The following SLC6A9 variants were observed in gnomAD, a reference collection of about 807,000 sequenced individuals.
SLC6A9 encodes sodium- and chloride-dependent glycine transporter 1.
In SLC6A9, 31 loss-of-function variants were observed where a neutral mutation model predicts 70.9. That is an observed-to-expected ratio of 0.44 (90% CI 0.33 to 0.59). The LOEUF is 0.59. Among genes scored for constraint, SLC6A9 ranks in the 20% least tolerant of loss-of-function variants. The pLI is 0.04. For synonymous variants in SLC6A9, 310 were observed against 341.3 expected (o/e 0.91, Z 1.01); for missense variants, 631 against 845.2 (o/e 0.75, Z 3.14).
chr1:44,010,604 G>A (rs2086528113), intron 3 of SLC6A9, 122 bp downstream of exon 3: 1 of 968,980 alleles, frequency 1.0e-6, no homozygotes, highest in Non-Finnish European at 1.5e-6. Context: ...GGGGGCGAAG[G>A]AGGCCAGGGC....
intron 12 of SLC6A9, among the ~76,000 whole-genome samples, chr1:43,998,516 AG>A (rs1277332695): frequency 6.6e-6 from 1 of 152,152 alleles, no homozygotes; most frequent in Non-Finnish European, 1.5e-5. Flanking sequence ...ACCCTATGTC[AG>A]TGCCCTCTCC....
intron 2 of SLC6A9, chr1:44,017,213 TTCACC>T: frequency 6.5e-7 from 1 of 1,544,334 alleles, no homozygotes; most frequent in Non-Finnish European, 8.7e-7. Context: ...GTCAATTACT[TTCACC>T]TCATCTCCTC....
At position 44,002,875 on chromosome 1, in the gene SLC6A9, C is replaced by G. The variant is rs140444555; in HGVS notation, c.701G>C (p.Arg234Pro). The change falls in exon 6 of 14, where the codon CGA becomes CCA. Residue 234 changes from arginine to proline, a missense_variant. Transcript: ENST00000372310. This position sits in a 1 kb window ranked among gnomAD's most constrained non-coding sequence, Gnocchi z 5.5. The part of the protein sequence containing the change: ...SWLVVFLCLI[R>P]GVKSSGKVVY... ...TGCTTTCCCTGAAGACTTGACCCCT[C>G]GGATGAGGCAGAGGAAGACGACCAA... 1 of 1,614,106 alleles carries G rather than the reference C, an allele frequency of 6.2e-7. No individual in the cohort carries two copies. The highest frequency in any genetic ancestry group is 1.1e-5 in the South Asian group (1 of 91,082).
At chr1:44,020,967 T>C (rs2086870838) in intron 2 of SLC6A9, among the ~76,000 whole-genome samples, 1 of 152,048 alleles carries the variant, frequency 6.6e-6, no homozygotes, top group Non-Finnish European at 1.5e-5. Flanking sequence ...TGGGAAGAGG[T>C]CAACAAAGCT....
chr1:44,011,534 G>A, intron 2 of SLC6A9: 3 of 1,608,950 alleles, frequency 1.9e-6, no homozygotes, highest in Non-Finnish European at 2.6e-6. Flanking sequence ...ACTGCCCATG[G>A]CTGGGGAGGG....
chr1:44,028,483 C>T (rs961074061), intron 1 of SLC6A9, among the ~76,000 whole-genome samples: 1 of 152,046 alleles, frequency 6.6e-6, no homozygotes, highest in African/African-American at 2.4e-5. Context: ...AGGCTGGGCG[C>T]GGTGGCTCAC....
At position 44,002,978 on chromosome 1, in the gene SLC6A9, C is replaced by A. The variant is rs762687825; in HGVS notation, c.598G>T (p.Val200Leu). 2 of 1,614,106 alleles carry A rather than the reference C, an allele frequency of 1.2e-6. No individual in the cohort carries two copies. Among genetic ancestry groups the A allele is most frequent in the South Asian group, 1.1e-5 (1 of 91,082 alleles). Reference protein sequence around the residue: ...SPSEEYWRLYVLKLSDDIGNF... With the variant: ...SPSEEYWRLYLLKLSDDIGNF... Reference sequence around the variant, plus strand: ...CCAATGTCATCTGACAGCTTCAGCACGTACAGCCTGGGAAGGGGAGACTCT... The same window carrying A: ...CCAATGTCATCTGACAGCTTCAGCAAGTACAGCCTGGGAAGGGGAGACTCT... The change falls in exon 6 of 14, where the codon GTG becomes TTG. Residue 200 changes from valine (V) to leucine (L), a missense_variant. Val to Leu is a conservative substitution (Grantham distance 32, BLOSUM62 1). Transcript: ENST00000372310. This position sits in a 1 kb window ranked among gnomAD's most constrained non-coding sequence, Gnocchi z 5.5.
intron 2 of SLC6A9, chr1:44,015,770 G>A: frequency 2.6e-6 from 2 of 767,366 alleles, no homozygotes; most frequent in Non-Finnish European, 3.2e-6. Flanking sequence ...CTGAGTAGGG[G>A]CAGAGAGACC....
In SLC6A9 at chr1:43,997,463, CAG is replaced by C. The variant is rs1571831124; in HGVS notation, c.*80_*81del. ...TGGCCAGGGCGTGGCAGGGGGCAGGCAGAGACACCTGGCCTCTGCCTCACCAG... is the reference window on the plus strand; with the variant it reads ...TGGCCAGGGCGTGGCAGGGGGCAGGCAGACACCTGGCCTCTGCCTCACCAG... On this transcript the variant is annotated 3_prime_UTR_variant, in exon 14 of 14. Transcript: ENST00000372310. The surrounding 1 kb of genome is among the most constrained non-coding windows in gnomAD (Gnocchi z 4.4). 1 of 1,298,410 alleles carries C rather than the reference CAG, an allele frequency of 7.7e-7. No homozygotes were observed. The highest frequency in any genetic ancestry group is 2.3e-5 in the East Asian group (1 of 43,384). The allele number at this position is 1,298,410 out of a possible 1,614,324, so 80.4% of individuals were successfully genotyped here.
At chr1:44,020,971 C>A (rs192878059) in intron 2 of SLC6A9, among the ~76,000 whole-genome samples, 2 of 152,308 alleles carry the variant, frequency 1.3e-5, no homozygotes, top group African/African-American at 2.4e-5. Flanking sequence ...AAGAGGTCAA[C>A]AAAGCTCACC....
Position 44,009,343 on chromosome 1 carries a change from C to G in SLC6A9, c.319+622G>C, listed in dbSNP as rs566543455. Among the ~76,000 whole-genome samples, 528 of 152,142 alleles carry G rather than the reference C, an allele frequency of 3.5e-3. 6 individuals are homozygous for G. The highest frequency in any genetic ancestry group is 0.012 in the African/African-American group (485 of 41,486). ...CACGCCATTCTCCCGCCTCAGCCCCCAGAGTAGCTAGGACTGCAGGCACCT... is the reference window on the plus strand; with the variant it reads ...CACGCCATTCTCCCGCCTCAGCCCCGAGAGTAGCTAGGACTGCAGGCACCT... On this transcript the variant is annotated intron_variant, in intron 4 of 13. Transcript: ENST00000372310.
At chr1:44,012,665 C>T (rs2086613295) in intron 2 of SLC6A9, among the ~76,000 whole-genome samples, 1 of 152,236 alleles carries the variant, frequency 6.6e-6, no homozygotes, top group African/African-American at 2.4e-5. Context: ...TGTATACACC[C>T]ATCATCTTTA....
rs2085894255 is a variant in SLC6A9 at position 43,997,186 on chromosome 1, C to G, written c.*359G>C. On this transcript the variant is annotated 3_prime_UTR_variant, in exon 14 of 14. Coordinates refer to ENST00000372310, the MANE Select transcript of SLC6A9 (RefSeq NM_001024845.3). The surrounding 1 kb of genome is among the most constrained non-coding windows in gnomAD (Gnocchi z 4.4). Reference sequence around the variant, plus strand: ...CGGCTCTGAGGGCAGGAGCACTAGTCATGGGGCTGGAGGCCCACCCAGAAC... The same window carrying G: ...CGGCTCTGAGGGCAGGAGCACTAGTGATGGGGCTGGAGGCCCACCCAGAAC... 7.4e-6 allele frequency: 2 copies of G among 269,164 alleles called. No individual in the cohort carries two copies. Among genetic ancestry groups the G allele is most frequent in the Non-Finnish European group, 1.4e-5 (2 of 141,278 alleles). The allele number at this position is 269,164 out of a possible 1,614,324, so 16.7% of individuals were successfully genotyped here.
At chr1:44,014,464 C>A (rs560986766) in intron 2 of SLC6A9, among the ~76,000 whole-genome samples, 1 of 152,178 alleles carries the variant, frequency 6.6e-6, no homozygotes, top group East Asian at 1.9e-4. Flanking sequence ...CATACACACA[C>A]ACACACACCC....
rs946818807 is a variant in SLC6A9, at chr1:44,019,441, T to C, written c.30+4807A>G. ...CACTGAGCCAGCCTCATGCGCCTGG[T>C]CCCCAGACACACTCCCCTGACTTCC... On this transcript the variant is annotated intron_variant, in intron 2 of 13. Transcript: ENST00000372310. 5.3e-5 allele frequency among the ~76,000 whole-genome samples: 8 copies of C among 152,292 alleles called. No individual in the cohort carries two copies. In the East Asian group the frequency reaches 1.2e-3, roughly 22 times the overall value.
At chr1:44,025,829 G>A (rs2086973190) in intron 1 of SLC6A9, among the ~76,000 whole-genome samples, 1 of 152,132 alleles carries the variant, frequency 6.6e-6, no homozygotes, top group Non-Finnish European at 1.5e-5. Flanking sequence ...TGACTCATGG[G>A]AGGAAACCCC....
chr1:44,016,978 A>G (rs1043612583), intron 2 of SLC6A9: 1 of 1,484,692 alleles, frequency 6.7e-7, no homozygotes, highest in Non-Finnish European at 9.0e-7. Context: ...CCCTCTCCCC[A>G]TCCGCAGCCC....
chr1:44,015,972 C>T (rs532630251), intron 2 of SLC6A9: 6 of 524,514 alleles, frequency 1.1e-5, no homozygotes, highest in Admixed American at 6.4e-5. Flanking sequence ...CTTCAGAGTC[C>T]AGGCCTTCAT....
At chr1:44,025,618 G>A (rs1329319181) in intron 1 of SLC6A9, among the ~76,000 whole-genome samples, 2 of 152,064 alleles carry the variant, frequency 1.3e-5, no homozygotes, top group African/African-American at 2.4e-5. Context: ...TGGCCAACAT[G>A]GTGAAACCCT....
Sources: allele counts gnomAD v4.1 joint callset (sites outside exome capture counted in the v4.1 genomes callset), GRCh38; gene constraint gnomAD v4.1.1; non-coding constraint Gnocchi (gnomAD v3.1); transcripts MANE v1.5; gene names NCBI Gene and HGNC (gene_info 2026-07-23, HGNC 2026-07-21).